SGCD: variants seen among roughly 807,000 people sequenced by gnomAD.
The protein encoded by SGCD is sarcoglycan delta, also known as delta-sarcoglycan.
SGCD carries 18 observed loss-of-function variants against 36.6 expected under a neutral mutation model. That is an observed-to-expected ratio of 0.49 (90% CI 0.34 to 0.73). The LOEUF is 0.73. Among genes scored for constraint, SGCD ranks in the 30% least tolerant of loss-of-function variants. The pLI is 0.01. For missense variants in SGCD, 387 were observed against 346.7 expected, an observed-to-expected ratio of 1.12 and a Z score of -0.92; for synonymous variants, 133 against 130.6, an observed-to-expected ratio of 1.02 and a Z score of -0.12.
intron 3 of SGCD, among the ~76,000 whole-genome samples, chr5:156,406,095 T>C (rs966591998): frequency 2.0e-5 from 3 of 148,792 alleles, no homozygotes; most frequent in Non-Finnish European, 4.4e-5. Context: ...AGCTGGTCCG[T>C]GGCATTAAAG....
intron 1 of SGCD, among the ~76,000 whole-genome samples, chr5:156,114,256 G>A (rs1311849550): frequency 6.6e-6 from 1 of 151,970 alleles, no homozygotes; most frequent in East Asian, 1.9e-4. Flanking sequence ...GGAGCACAAG[G>A]GATATATATG....
chr5:156,264,502 G>A lies in SGCD; in HGVS notation c.-43-65032G>A, dbSNP rs186372262. Among the ~76,000 whole-genome samples, 48 of 152,226 alleles carry A rather than the reference G, an allele frequency of 3.2e-4. No homozygotes were observed. The East Asian group carries it at 8.5e-3, about 27-fold the overall frequency. ...GTTAATATCAAAGTCATTGGCATAA[G>A]ATATTCCTGAGTTCAAATTCCAATG... is the stretch of plus-strand genomic sequence containing the variant. On this transcript the variant is annotated intron_variant, in intron 3 of 9. Coordinates refer to the SGCD transcript ENST00000517913.
chr5:155,893,995 A>G (rs986703196), intron 1 of SGCD, among the ~76,000 whole-genome samples: 4 of 152,190 alleles, frequency 2.6e-5, no homozygotes, highest in Non-Finnish European at 5.9e-5. Flanking sequence ...ATGGTATAAA[A>G]GATGTCTTAA....
the SGCD span, among the ~76,000 whole-genome samples, chr5:155,772,359 C>G: frequency 6.6e-6 from 1 of 152,162 alleles, no homozygotes; most frequent in Non-Finnish European, 1.5e-5. Context: ...GTGCTTTCAT[C>G]TTCACAAAAA....
At chr5:156,232,486 G>C (rs1021146845) in intron 3 of SGCD, among the ~76,000 whole-genome samples, 2 of 152,186 alleles carry the variant, frequency 1.3e-5, no homozygotes, top group Admixed American at 1.3e-4. Flanking sequence ...TCTTATATTT[G>C]TGAGCCTTTC....
rs376658231 is a variant in SGCD at position 156,487,813 on chromosome 5, A to AGAAAAAG, written c.193-20788_193-20787insGAAAAAG. 6.3e-3 allele frequency among the ~76,000 whole-genome samples: 487 copies of AGAAAAAG among 77,786 alleles called. 41 individuals are homozygous for AGAAAAAG. Among genetic ancestry groups the AGAAAAAG allele is most frequent in the African/African-American group, 0.01 (235 of 22,962 alleles). 51.0% of individuals were successfully genotyped at this position (77,786 alleles called of 152,430 possible). On this transcript the variant is annotated intron_variant, in intron 3 of 8. Coordinates refer to ENST00000337851, the MANE Select transcript of SGCD (RefSeq NM_000337.6). ...CAAAAAAAAAAAAAAAAAAAAAAAA[A>AGAAAAAG]AAAGAAAGAAAGAAAAAGCTTAACA...
intron 3 of SGCD, among the ~76,000 whole-genome samples, chr5:156,254,398 C>G (rs909496367): frequency 1.3e-5 from 2 of 152,152 alleles, no homozygotes; most frequent in African/African-American, 4.8e-5. Context: ...GAACAATGCT[C>G]TAGTCGTTTT....
At chr5:155,810,516 T>G in the SGCD span, among the ~76,000 whole-genome samples, 1 of 152,158 alleles carries the variant, frequency 6.6e-6, no homozygotes, top group Non-Finnish European at 1.5e-5. Context: ...ATTTATTTCA[T>G]AATTGGCTAG....
At chr5:156,347,213 G>A (rs1046245028) in intron 3 of SGCD, among the ~76,000 whole-genome samples, 6 of 152,130 alleles carry the variant, frequency 3.9e-5, no homozygotes, top group Non-Finnish European at 7.4e-5. Flanking sequence ...CAATAGAATG[G>A]GGAAAGTTTG....
At chr5:155,975,609 CTTT>C (rs763067309) in intron 1 of SGCD, among the ~76,000 whole-genome samples, 873 of 28,010 alleles carry the variant, frequency 0.031, 45 homozygotes, top group African/African-American at 0.037. Context: ...TCTTTCTTTC[CTTT>C]TTTTTTTTTT....
At chr5:155,993,212 G>C (rs377333852) in intron 1 of SGCD, among the ~76,000 whole-genome samples, 2 of 151,838 alleles carry the variant, frequency 1.3e-5, no homozygotes, top group African/African-American at 4.8e-5. Flanking sequence ...CATGGCCCCC[G>C]TCCCCCTGCA....
chr5:156,243,118 C>T (rs1765345586), intron 3 of SGCD, among the ~76,000 whole-genome samples: 1 of 152,158 alleles, frequency 6.6e-6, no homozygotes, highest in South Asian at 2.1e-4. Context: ...TATTGGAGCC[C>T]ACACAAGGTG....
intron 3 of SGCD, among the ~76,000 whole-genome samples, chr5:156,363,598 C>T (rs1388921558): frequency 6.6e-6 from 1 of 152,030 alleles, no homozygotes. Context: ...GATTTCTCTT[C>T]CTGAGAAGAA....
intron 3 of SGCD, among the ~76,000 whole-genome samples, chr5:156,369,887 G>T (rs543649372): frequency 6.6e-6 from 1 of 152,192 alleles, no homozygotes; most frequent in Non-Finnish European, 1.5e-5. Context: ...TAGAAAAGTT[G>T]AATCAGGCTA....
chr5:156,453,728 C>T (rs1478144951), intron 3 of SGCD, among the ~76,000 whole-genome samples: 1 of 151,990 alleles, frequency 6.6e-6, no homozygotes, highest in East Asian at 1.9e-4. Flanking sequence ...GTTGAAAATC[C>T]CTGGAATAAA....
chr5:155,895,675 T>G (rs554914060), intron 1 of SGCD, among the ~76,000 whole-genome samples: 126 of 129,252 alleles, frequency 9.7e-4, no homozygotes, highest in African/African-American at 3.0e-3. Context: ...GTATGATTTC[T>G]TGTAATGGCA....
chr5:156,279,754 G>A (rs1766402935), intron 3 of SGCD, among the ~76,000 whole-genome samples: 1 of 151,992 alleles, frequency 6.6e-6, no homozygotes, highest in Admixed American at 6.6e-5. Context: ...AGGAAGTGAT[G>A]AGAATAAAGA....
At chr5:156,394,675 G>T (rs1049962902) in intron 3 of SGCD, among the ~76,000 whole-genome samples, 1 of 152,132 alleles carries the variant, frequency 6.6e-6, no homozygotes, top group Non-Finnish European at 1.5e-5. Flanking sequence ...TTTCTTTGAC[G>T]TAAGTGTCTG....
chr5:156,233,642 C>G (rs774568180), intron 3 of SGCD, among the ~76,000 whole-genome samples: 1 of 152,146 alleles, frequency 6.6e-6, no homozygotes, highest in Non-Finnish European at 1.5e-5. Context: ...AAAGGGAACA[C>G]GTGACCATGG....
Sources: allele counts gnomAD v4.1 joint callset (sites outside exome capture counted in the v4.1 genomes callset), GRCh38; gene constraint gnomAD v4.1.1; transcripts MANE v1.5; gene names NCBI Gene and HGNC (gene_info 2026-07-23, HGNC 2026-07-21).